Variants in PCDHA5 observed in about 807,000 individuals in gnomAD.
The protein encoded by PCDHA5 is protocadherin alpha-5.
PCDHA5 carries 43 observed loss-of-function variants against 61.6 expected under a neutral mutation model. The ratio of observed to expected loss-of-function variants is 0.70; its 90% CI spans 0.55 to 0.90. PCDHA5 has a LOEUF of 0.90. Ranked by LOEUF, PCDHA5 falls within the 40% of genes least tolerant of loss-of-function variation. The pLI, the probability that PCDHA5 is intolerant of heterozygous loss-of-function variation, is 0.00. For synonymous variants in PCDHA5, 627 were observed against 543.9 expected (o/e 1.15, Z -2.13); for missense variants, 1,298 against 1,222.7 (o/e 1.06, Z -0.92).
At chr5:140,909,378 C>T (rs544117185) in intron 1 of PCDHA5, among the ~76,000 whole-genome samples, 1 of 152,264 alleles carries the variant, frequency 6.6e-6, no homozygotes, top group Admixed American at 6.5e-5. Context: ...GCAATGAAAC[C>T]ACATCTAGTA....
Position 140,883,205 on chromosome 5 carries a change from A to G in PCDHA5, c.2352+59078A>G, listed in dbSNP as rs1402031440. 5 of 1,613,918 alleles carry G rather than the reference A, an allele frequency of 3.1e-6. No individual in the cohort carries two copies. In the African/African-American group the frequency reaches 6.7e-5, roughly 22 times the overall value. On this transcript the variant is annotated intron_variant, in intron 1 of 3. Transcript: ENST00000529859. Reference sequence around the variant, plus strand: ...AAAAGGCAAACTAGATTTCGAAGAAAAGAAATTATATGAAATATCCGTGGA... The same window carrying G: ...AAAAGGCAAACTAGATTTCGAAGAAGAGAAATTATATGAAATATCCGTGGA...
Position 140,910,294 on chromosome 5 carries a change from A to C in PCDHA5, c.2353-68655A>C, listed in dbSNP as rs146332329. Among the ~76,000 whole-genome samples, 1,310 of 151,558 alleles carry C rather than the reference A, an allele frequency of 8.6e-3. 14 individuals carry two copies. The highest frequency in any genetic ancestry group is 0.03 in the African/African-American group (1,252 of 41,252). ...TCTAGGAACACCATGATTAATCAAC[A>C]GATGCCAGAGATCTACATGAGTCAG... On this transcript the variant is annotated intron_variant, in intron 1 of 3. Transcript: ENST00000529859.
intron 2 of PCDHA5, among the ~76,000 whole-genome samples, chr5:140,981,687 A>ATCATTCATTCAT (rs200213847): frequency 1.1e-4 from 17 of 151,972 alleles, no homozygotes; most frequent in African/African-American, 4.1e-4. Context: ...CCTCCCTTCC[A>ATCATTCATTCAT]TCATTCATTC....
At position 140,842,785 on chromosome 5, in the gene PCDHA5, G is replaced by A. The variant is rs2150344223; in HGVS notation, c.2352+18658G>A. 4 of 1,594,390 alleles carry A rather than the reference G, an allele frequency of 2.5e-6. 1 individual carries two copies. The highest frequency in any genetic ancestry group is 3.4e-5 in the Admixed American group (2 of 59,288). ...GAGACGCGGACGCGCAGGAGAACGCGCTGGTGTCCTACTCGCTTGTGGAGC... is the reference window on the plus strand; with the variant it reads ...GAGACGCGGACGCGCAGGAGAACGCACTGGTGTCCTACTCGCTTGTGGAGC... On this transcript the variant is annotated intron_variant, in intron 1 of 3. Transcript: ENST00000529859.
At position 140,856,290 on chromosome 5, in the gene PCDHA5, G is replaced by A. The variant is rs143002904; in HGVS notation, c.2352+32163G>A. 7.5e-3 allele frequency: 12,003 copies of A among 1,598,482 alleles called. 1,113 individuals are homozygous for A. The highest frequency in any genetic ancestry group is 7.4e-3 in the Non-Finnish European group (8,655 of 1,168,072). On this transcript the variant is annotated intron_variant, in intron 1 of 3. Coordinates refer to ENST00000529859, the MANE Select transcript of PCDHA5 (RefSeq NM_018908.3). ...CTTCTGGAGGTAAATCTGCAGAATG[G>A]CATTTTGTTTGTGAATTCTCGGATT...
chr5:140,868,967 AC>A, intron 1 of PCDHA5: 1 of 1,435,870 alleles, frequency 7.0e-7, no homozygotes, highest in African/African-American at 1.4e-5. Context: ...ATACAAAGGA[AC>A]TCCATCATAC....
At chr5:140,824,195 C>G (rs1768043516) in intron 1 of PCDHA5, 68 bp downstream of exon 1, 1 of 1,600,220 alleles carries the variant, frequency 6.2e-7, no homozygotes, top group Non-Finnish European at 8.6e-7. Flanking sequence ...CACATTCACC[C>G]ACTTTTTTTG....
At chr5:140,844,668 T>A (rs540390945) in intron 1 of PCDHA5, among the ~76,000 whole-genome samples, 1 of 149,604 alleles carries the variant, frequency 6.7e-6, no homozygotes, top group Non-Finnish European at 1.5e-5. Flanking sequence ...AAACATATAA[T>A]TTATAAATCC....
intron 1 of PCDHA5, chr5:140,842,893 C>T: frequency 6.3e-7 from 1 of 1,594,312 alleles, no homozygotes; most frequent in Non-Finnish European, 8.6e-7. Context: ...AGCCGCTGGA[C>T]CACGAGGAGC....
chr5:140,977,012 TTC>T (rs2096742095), intron 1 of PCDHA5, among the ~76,000 whole-genome samples: 1 of 152,220 alleles, frequency 6.6e-6, no homozygotes, highest in African/African-American at 2.4e-5. Context: ...GTAACTGTGA[TTC>T]TGTCAAATGA....
intron 1 of PCDHA5, among the ~76,000 whole-genome samples, chr5:140,872,366 C>T (rs1474545806): frequency 5.3e-5 from 8 of 152,126 alleles, no homozygotes; most frequent in African/African-American, 1.4e-4. Flanking sequence ...GTGGTTCAGG[C>T]CTGTAATCCC....
intron 1 of PCDHA5, chr5:140,929,251 G>A (rs782590821): frequency 6.2e-7 from 1 of 1,613,534 alleles, no homozygotes; most frequent in South Asian, 1.1e-5. Flanking sequence ...TGCCACTGGG[G>A]TAGGACTGAA....
intron 1 of PCDHA5, among the ~76,000 whole-genome samples, chr5:140,954,634 T>C (rs1366737169): frequency 6.6e-6 from 1 of 152,210 alleles, no homozygotes; most frequent in Admixed American, 6.5e-5. Flanking sequence ...GTTTTTCTTG[T>C]AAATTTGTTT....
At chr5:140,834,504 C>T (rs2150219958) in intron 1 of PCDHA5, 3 of 1,614,130 alleles carry the variant, frequency 1.9e-6, no homozygotes, top group Non-Finnish European at 1.7e-6. Flanking sequence ...GGAGGCTAAA[C>T]ATGGCAACTT....
chr5:140,859,951 A>G (rs1376166288), intron 1 of PCDHA5: 3 of 151,970 alleles, frequency 2.0e-5, no homozygotes, highest in African/African-American at 7.3e-5. Context: ...ACTCATATCA[A>G]TTGTAAAAGT....
intron 3 of PCDHA5, 40 bp downstream of exon 3, chr5:140,982,603 G>A: frequency 6.2e-7 from 1 of 1,607,892 alleles, no homozygotes; most frequent in East Asian, 2.2e-5. Context: ...TTGGTTTCTG[G>A]AAAGTGATCA....
At chr5:140,895,092 G>A (rs2064837860) in intron 1 of PCDHA5, among the ~76,000 whole-genome samples, 1 of 152,090 alleles carries the variant, frequency 6.6e-6, no homozygotes, top group Admixed American at 6.5e-5. Flanking sequence ...CCTCAGTATA[G>A]GGGTTTTTGC....
chr5:140,993,281 C>T (rs2097548459), intron 3 of PCDHA5, among the ~76,000 whole-genome samples: 1 of 152,102 alleles, frequency 6.6e-6, no homozygotes. Flanking sequence ...TCTTTTCTTG[C>T]CCAGGGTCAC....
At position 140,857,834 on chromosome 5, in the gene PCDHA5, G is replaced by A; in HGVS notation, c.2352+33707G>A. 1.9e-6 allele frequency: 3 copies of A among 1,597,844 alleles called. 1 individual carries two copies. The highest frequency in any genetic ancestry group is 1.7e-6 in the Non-Finnish European group (2 of 1,167,630). The stretch of plus-strand genomic sequence containing the variant: ...TCACGTGGTGGCTAAGGTGCGCGCA[G>A]TGGACGCTGACTCTGGATACAACGC... On this transcript the variant is annotated intron_variant, in intron 1 of 3. Transcript: ENST00000529859.
Sources: allele counts gnomAD v4.1 joint callset (sites outside exome capture counted in the v4.1 genomes callset), GRCh38; gene constraint gnomAD v4.1.1; transcripts MANE v1.5; gene names NCBI Gene and HGNC (gene_info 2026-07-23, HGNC 2026-07-21).